NPFFR2: variants seen among roughly 807,000 people sequenced by gnomAD.
The protein encoded by NPFFR2 is neuropeptide FF receptor 2.
In NPFFR2, 15 loss-of-function variants were observed where a neutral mutation model predicts 13.1. The observed-to-expected ratio is 1.15, with a 90% CI of 0.77 to 1.76. NPFFR2 has a LOEUF of 1.76. Ranked by LOEUF, NPFFR2 falls within the 40% of genes most tolerant of loss-of-function variation. The pLI, the probability that NPFFR2 is intolerant of heterozygous loss-of-function variation, is 0.00. For missense variants in NPFFR2, 572 were observed against 503.5 expected (o/e 1.14, Z -1.30); for synonymous variants, 190 against 175.7 (o/e 1.08, Z -0.65).
chr4:72,088,248 C>A (rs972963601), intron 1 of NPFFR2, among the ~76,000 whole-genome samples: 1 of 151,990 alleles, frequency 6.6e-6, no homozygotes, highest in Non-Finnish European at 1.5e-5. Context: ...TCTTGGGCTG[C>A]CTCACTAATT....
chr4:72,137,306 T>G (rs1722448506), intron 2 of NPFFR2, among the ~76,000 whole-genome samples: 1 of 152,216 alleles, frequency 6.6e-6, no homozygotes, highest in Non-Finnish European at 1.5e-5. Context: ...GAAATGAGAA[T>G]ATTTGCTAGG....
intron 1 of NPFFR2, among the ~76,000 whole-genome samples, chr4:72,050,172 G>A (rs574462969): frequency 3.9e-5 from 6 of 152,148 alleles, no homozygotes; most frequent in Non-Finnish European, 7.4e-5. Context: ...GATTTTCCAT[G>A]TTAGTGAACA....
At chr4:72,115,899 A>G (rs1721700058) in intron 1 of NPFFR2, among the ~76,000 whole-genome samples, 1 of 152,202 alleles carries the variant, frequency 6.6e-6, no homozygotes, top group Non-Finnish European at 1.5e-5. Context: ...CGAACAAGTC[A>G]TTAAAATTGA....
At chr4:72,041,592 T>C (rs557138326) in intron 1 of NPFFR2, among the ~76,000 whole-genome samples, 1 of 152,344 alleles carries the variant, frequency 6.6e-6, no homozygotes, top group East Asian at 1.9e-4. Context: ...CCACAGTGGC[T>C]GAACTAATTT....
chr4:72,037,161 G>A (rs763943475), intron 1 of NPFFR2, among the ~76,000 whole-genome samples: 1 of 151,856 alleles, frequency 6.6e-6, no homozygotes, highest in Non-Finnish European at 1.5e-5. Flanking sequence ...GGAGGCAGAG[G>A]CAGGAGGATC....
At chr4:72,081,020 T>C (rs1045007472) in intron 1 of NPFFR2, among the ~76,000 whole-genome samples, 1 of 152,146 alleles carries the variant, frequency 6.6e-6, no homozygotes, top group African/African-American at 2.4e-5. Context: ...AACTTGCTTG[T>C]CTACTCAGAT....
intron 1 of NPFFR2, among the ~76,000 whole-genome samples, chr4:72,086,505 A>C (rs947427047): frequency 6.9e-6 from 1 of 144,468 alleles, no homozygotes; most frequent in African/African-American, 2.8e-5. Flanking sequence ...ATTAGGTCTT[A>C]ATTAAGTAAG....
intron 1 of NPFFR2, among the ~76,000 whole-genome samples, chr4:72,101,267 A>C (rs1000531872): frequency 2.0e-5 from 3 of 151,990 alleles, no homozygotes. Context: ...CTTGAATAAG[A>C]TATTCCTATG....
At position 72,148,022 on chromosome 4, in the gene NPFFR2, G is replaced by C; in HGVS notation, c.*210G>C. 2.2e-6 allele frequency: 1 copy of C among 459,988 alleles called. No individual in the cohort carries two copies. Among genetic ancestry groups the C allele is most frequent in the Non-Finnish European group, 3.8e-6 (1 of 263,058 alleles). 28.5% of individuals were successfully genotyped at this position (459,988 alleles called of 1,614,324 possible). On this transcript the variant is annotated 3_prime_UTR_variant, in exon 4 of 4. Coordinates refer to ENST00000308744, the MANE Select transcript of NPFFR2 (RefSeq NM_004885.3). ...GTATAAAAATACGTAGAGTGACTTAGACATGTTTGCATGAATAAATATATT... is the reference window on the plus strand; with the variant it reads ...GTATAAAAATACGTAGAGTGACTTACACATGTTTGCATGAATAAATATATT...
chr4:72,096,300 C>T (rs778764532), intron 1 of NPFFR2, among the ~76,000 whole-genome samples: 3 of 152,102 alleles, frequency 2.0e-5, no homozygotes, highest in Non-Finnish European at 1.5e-5. Flanking sequence ...GAATCTTCTG[C>T]TTTTGTATTA....
intron 1 of NPFFR2, among the ~76,000 whole-genome samples, chr4:72,101,879 A>G (rs1244003384): frequency 6.6e-6 from 1 of 152,148 alleles, no homozygotes; most frequent in Non-Finnish European, 1.5e-5. Flanking sequence ...CATCCAATCT[A>G]AGAATCCAAA....
intron 3 of NPFFR2, among the ~76,000 whole-genome samples, chr4:72,144,619 C>A (rs938188080): frequency 2.0e-5 from 3 of 152,152 alleles, no homozygotes; most frequent in African/African-American, 7.2e-5. Context: ...ACAACTTCAA[C>A]TGCACATTCA....
At chr4:72,099,479 C>T (rs1435060000) in intron 1 of NPFFR2, among the ~76,000 whole-genome samples, 1 of 152,100 alleles carries the variant, frequency 6.6e-6, no homozygotes, top group African/African-American at 2.4e-5. Context: ...ATTGCACTGG[C>T]ATCTGCTTGG....
intron 1 of NPFFR2, among the ~76,000 whole-genome samples, chr4:72,073,233 CT>C (rs1720314875): frequency 6.6e-6 from 1 of 151,928 alleles, no homozygotes; most frequent in African/African-American, 2.4e-5. Flanking sequence ...AGAATAAGTG[CT>C]TTAGGGAATG....
At chr4:72,146,301 G>A (rs1011081401) in intron 3 of NPFFR2, among the ~76,000 whole-genome samples, 2 of 152,218 alleles carry the variant, frequency 1.3e-5, no homozygotes, top group South Asian at 4.1e-4. Flanking sequence ...TTCTCTACAT[G>A]CCTTTCATCT....
At chr4:72,067,052 C>T (rs934297194) in intron 1 of NPFFR2, among the ~76,000 whole-genome samples, 2 of 151,398 alleles carry the variant, frequency 1.3e-5, no homozygotes, top group Admixed American at 6.6e-5. Flanking sequence ...GAGCAACAGT[C>T]CTCTCCCTGG....
intron 1 of NPFFR2, among the ~76,000 whole-genome samples, chr4:72,076,364 A>G (rs1348063148): frequency 6.6e-6 from 1 of 152,094 alleles, no homozygotes; most frequent in East Asian, 1.9e-4. Context: ...ATTATATATA[A>G]ATTGTTATAT....
In NPFFR2 at chr4:72,041,089, C is replaced by A. The variant is rs13107758; in HGVS notation, c.-8+8889C>A. ...GCTGAGGTTTGGGTACAGTTGAACCCATTACCCAGGTAGTGAGCGAACTAC... is the reference window on the plus strand; with the variant it reads ...GCTGAGGTTTGGGTACAGTTGAACCAATTACCCAGGTAGTGAGCGAACTAC... On this transcript the variant is annotated intron_variant, in intron 1 of 3. Coordinates refer to ENST00000308744, the MANE Select transcript of NPFFR2 (RefSeq NM_004885.3). Among the ~76,000 whole-genome samples, 14 of 152,074 alleles carry A rather than the reference C, an allele frequency of 9.2e-5. No homozygotes were observed. The South Asian group carries it at 1.4e-3, about 16-fold the overall frequency.
intron 1 of NPFFR2, among the ~76,000 whole-genome samples, chr4:72,116,507 C>T (rs1208436999): frequency 6.6e-6 from 1 of 151,932 alleles, no homozygotes; most frequent in African/African-American, 2.4e-5. Context: ...GTACCCCGAA[C>T]CTCACCATCA....
Sources: allele counts gnomAD v4.1 joint callset (sites outside exome capture counted in the v4.1 genomes callset), GRCh38; gene constraint gnomAD v4.1.1; transcripts MANE v1.5; gene names NCBI Gene and HGNC (gene_info 2026-07-23, HGNC 2026-07-21).